TMEM131: variants seen among roughly 807,000 people sequenced by gnomAD.
TMEM131 encodes the protein transmembrane protein 131.
A neutral mutation model predicts 211.6 loss-of-function variants in TMEM131; 66 were observed. That is an observed-to-expected ratio of 0.31 (90% CI 0.26 to 0.38). The LOEUF (loss-of-function observed/expected upper bound fraction) is 0.38, where lower values mean the gene tolerates loss of function less well. TMEM131 is among the 10% of genes least tolerant of loss of function. The pLI is 1.00. For synonymous variants in TMEM131, 844 were observed against 841.3 expected (o/e 1.00, Z -0.06); for missense variants, 2,036 against 2,299.3 (o/e 0.89, Z 2.34).
At chr2:97,958,146 C>A (rs972516565) in intron 1 of TMEM131, among the ~76,000 whole-genome samples, 49 of 152,146 alleles carry the variant, frequency 3.2e-4, no homozygotes, top group African/African-American at 1.2e-3. Context: ...TTTCATAGGT[C>A]TGAAATCTGG....
At chr2:97,767,464 C>T (rs1679226024) in intron 33 of TMEM131, among the ~76,000 whole-genome samples, 1 of 152,292 alleles carries the variant, frequency 6.6e-6, no homozygotes, top group East Asian at 1.9e-4. Flanking sequence ...CTAATGCCCA[C>T]CAAGACCATG....
intron 17 of TMEM131, among the ~76,000 whole-genome samples, chr2:97,811,887 T>A (rs1681563964): frequency 2.0e-5 from 3 of 152,172 alleles, no homozygotes; most frequent in Admixed American, 2.0e-4. Context: ...TACTGGTGAG[T>A]GCTGAAACTA....
intron 1 of TMEM131, among the ~76,000 whole-genome samples, chr2:97,982,941 C>CA (rs1679861144): frequency 6.6e-6 from 1 of 152,124 alleles, no homozygotes; most frequent in Non-Finnish European, 1.5e-5. Context: ...TGTTGGAGGC[C>CA]ACACAAATGT....
intron 31 of TMEM131, among the ~76,000 whole-genome samples, chr2:97,784,544 G>A (rs957970847): frequency 2.4e-4 from 36 of 152,114 alleles, no homozygotes; most frequent in South Asian, 2.1e-4. Flanking sequence ...AAAAAAAATG[G>A]AAGGGAATGA....
At chr2:97,760,546 T>C (rs1678777849) in intron 38 of TMEM131, 47 bp downstream of exon 38, 3 of 1,550,138 alleles carry the variant, frequency 1.9e-6, no homozygotes, top group Admixed American at 1.9e-5. Context: ...CTAACCCGAC[T>C]TGAGAAGCCT....
intron 2 of TMEM131, among the ~76,000 whole-genome samples, chr2:97,918,735 A>G (rs1228520061): frequency 6.6e-6 from 1 of 152,224 alleles, no homozygotes; most frequent in Non-Finnish European, 1.5e-5. Flanking sequence ...GCAAAAAGGC[A>G]TTTCTGAAGC....
intron 12 of TMEM131, among the ~76,000 whole-genome samples, chr2:97,818,237 C>T (rs1325761500): frequency 6.6e-6 from 1 of 151,926 alleles, no homozygotes; most frequent in Non-Finnish European, 1.5e-5. Flanking sequence ...TTTATTTTTG[C>T]TCTCAAATTC....
Position 97,802,042 on chromosome 2 carries a change from C to T in TMEM131, c.2652-81G>A, listed in dbSNP as rs867162770. The T allele has an allele frequency of 5.4e-6, 5 of 932,476 alleles. No homozygotes were observed. The Middle Eastern group carries it at 8.9e-4, about 167-fold the overall frequency. The allele number at this position is 932,476 out of a possible 1,614,324, so 57.8% of individuals were successfully genotyped here. ...TTATGGAGTGATTATCAGGTGTGTG[C>T]TTTATTTTCAAATTATTGTCTGTCA... On this transcript the variant is annotated intron_variant, in intron 24 of 40. Transcript: ENST00000186436.
At chr2:97,953,080 G>A (rs571247981) in intron 1 of TMEM131, among the ~76,000 whole-genome samples, 1 of 152,272 alleles carries the variant, frequency 6.6e-6, no homozygotes, top group East Asian at 1.9e-4. Context: ...AAGGCAGCTT[G>A]GAATTTCATA....
At chr2:97,882,162 C>A (rs1385973614) in intron 4 of TMEM131, among the ~76,000 whole-genome samples, 3 of 152,132 alleles carry the variant, frequency 2.0e-5, no homozygotes, top group Non-Finnish European at 2.9e-5. Flanking sequence ...AATTTAGGAA[C>A]CTCTTTGTTT....
At chr2:97,865,482 T>C (rs1261486053) in intron 4 of TMEM131, among the ~76,000 whole-genome samples, 2 of 152,222 alleles carry the variant, frequency 1.3e-5, no homozygotes, top group South Asian at 2.1e-4. Flanking sequence ...TAGGCATTAT[T>C]ATCATGAAAG....
In TMEM131 at chr2:97,757,044, T is replaced by C; in HGVS notation, c.*55A>G. On this transcript the variant is annotated 3_prime_UTR_variant, in exon 41 of 41. Coordinates refer to ENST00000186436, the MANE Select transcript of TMEM131 (RefSeq NM_015348.2). ...AGCCTTAAAAAGATGTCTCAGAAACTGGCACATCATGATCTAGACGAGGGC... is the reference window on the plus strand; with the variant it reads ...AGCCTTAAAAAGATGTCTCAGAAACCGGCACATCATGATCTAGACGAGGGC... The C allele has an allele frequency of 1.3e-6, 2 of 1,504,166 alleles. No individual in the cohort carries two copies. Among genetic ancestry groups the C allele is most frequent in the South Asian group, 1.4e-5 (1 of 73,232 alleles). The allele number at this position is 1,504,166 out of a possible 1,614,324, so 93.2% of individuals were successfully genotyped here.
chr2:97,825,079 T>G (rs1238770279), intron 11 of TMEM131, among the ~76,000 whole-genome samples: 1 of 152,216 alleles, frequency 6.6e-6, no homozygotes, highest in Non-Finnish European at 1.5e-5. Context: ...TCTTTGTCTT[T>G]GAGGATCCCA....
intron 36 of TMEM131, 53 bp downstream of exon 36, chr2:97,761,982 C>A: frequency 6.7e-7 from 1 of 1,497,504 alleles, no homozygotes; most frequent in Non-Finnish European, 8.9e-7. Flanking sequence ...GGTGTGACAT[C>A]GGGTTTTAGG....
At chr2:97,772,535 T>C in intron 32 of TMEM131, 111 bp from the exon 33 acceptor site, 2 of 1,234,760 alleles carry the variant, frequency 1.6e-6, no homozygotes, top group South Asian at 1.5e-5. Flanking sequence ...ACACATCATA[T>C]ACGTAAAAAC....
chr2:97,964,745 A>C (rs778112223), intron 1 of TMEM131, among the ~76,000 whole-genome samples: 1 of 152,240 alleles, frequency 6.6e-6, no homozygotes, highest in Non-Finnish European at 1.5e-5. Context: ...TGCATGCACT[A>C]TTCTTATTTA....
intron 3 of TMEM131, among the ~76,000 whole-genome samples, chr2:97,898,167 G>T (rs2104319745): frequency 6.6e-6 from 1 of 151,550 alleles, no homozygotes; most frequent in South Asian, 2.1e-4. Context: ...TTGATTTCTA[G>T]TATATCCTTT....
intron 1 of TMEM131, among the ~76,000 whole-genome samples, chr2:97,948,621 G>A (rs930527338): frequency 5.3e-5 from 8 of 152,010 alleles, no homozygotes; most frequent in Admixed American, 5.2e-4. Context: ...ATAAAATGGT[G>A]CAACCACTTT....
Position 97,954,731 on chromosome 2 carries a change from G to A in TMEM131, c.188-27244C>T, listed in dbSNP as rs544484613. On this transcript the variant is annotated intron_variant, in intron 1 of 40. Coordinates refer to ENST00000186436, the MANE Select transcript of TMEM131 (RefSeq NM_015348.2). ...TGAGGTAGGAGAATTGCTTGAACCC[G>A]GGAGGCAGAGGTTGCAGTCAGCTGA... Among the ~76,000 whole-genome samples the A allele has an allele frequency of 2.9e-4, 44 of 151,066 alleles. 1 individual carries two copies. In the South Asian group the frequency reaches 5.2e-3, roughly 18 times the overall value.
Sources: allele counts gnomAD v4.1 joint callset (sites outside exome capture counted in the v4.1 genomes callset), GRCh38; gene constraint gnomAD v4.1.1; transcripts MANE v1.5; gene names NCBI Gene and HGNC (gene_info 2026-07-23, HGNC 2026-07-21).